Variants in RAI1 observed in about 807,000 individuals in gnomAD.
The protein encoded by RAI1 is retinoic acid-induced protein 1.
Under a neutral mutation model 123.8 loss-of-function variants are expected in RAI1, and 9 were observed. The ratio of observed to expected loss-of-function variants is 0.07; its 90% CI spans 0.04 to 0.13. The LOEUF (loss-of-function observed/expected upper bound fraction) is 0.13, where lower values mean the gene tolerates loss of function less well. RAI1 is among the 10% of genes least tolerant of loss of function. The pLI, the probability that RAI1 is intolerant of heterozygous loss-of-function variation, is 1.00. For synonymous variants in RAI1, 1,231 were observed against 1,127.3 expected (o/e 1.09, Z -1.84); for missense variants, 2,256 against 2,545.8 (o/e 0.89, Z 2.45).
At chr17:17,787,862 G>T (rs1438356093) in intron 2 of RAI1, among the ~76,000 whole-genome samples, 1 of 152,214 alleles carries the variant, frequency 6.6e-6, no homozygotes, top group Non-Finnish European at 1.5e-5. Context: ...AGCTGGCTTA[G>T]CAGGTCTCAG....
rs528733607 is a variant in RAI1, at chr17:17,729,099, C to T, written c.-17+4940C>T. 1.9e-4 allele frequency among the ~76,000 whole-genome samples: 29 copies of T among 152,298 alleles called. No individual in the cohort carries two copies. In the South Asian group the frequency reaches 4.4e-3, roughly 23 times the overall value. On this transcript the variant is annotated intron_variant, in intron 2 of 5. Transcript: ENST00000353383. ...TTGCCAACCTGGGCAAGGCCTGCCT[C>T]GCCCCACCTTGCTCCTCCCCAACAC...
chr17:17,683,141 T>C (rs1914501612), intron 1 of RAI1, among the ~76,000 whole-genome samples: 1 of 152,212 alleles, frequency 6.6e-6, no homozygotes, highest in African/African-American at 2.4e-5. Flanking sequence ...CTGGTTGCAA[T>C]CCAGTTTCAT....
chr17:17,786,065 T>A (rs1841437762), intron 2 of RAI1, among the ~76,000 whole-genome samples: 1 of 152,202 alleles, frequency 6.6e-6, no homozygotes, highest in Non-Finnish European at 1.5e-5. Flanking sequence ...CACCCTGGCC[T>A]CCCACTCCCA....
chr17:17,713,618 GCAA>G (rs1915629411), intron 1 of RAI1, among the ~76,000 whole-genome samples: 1 of 151,782 alleles, frequency 6.6e-6, no homozygotes, highest in Non-Finnish European at 1.5e-5. Flanking sequence ...TGCAGCCTGG[GCAA>G]CGAGAGCAAA....
At chr17:17,695,189 C>T (rs567684428) in intron 1 of RAI1, among the ~76,000 whole-genome samples, 1 of 152,234 alleles carries the variant, frequency 6.6e-6, no homozygotes, top group East Asian at 1.9e-4. Context: ...AGCTCTTCCC[C>T]GGAACTGTCC....
intron 2 of RAI1, among the ~76,000 whole-genome samples, chr17:17,724,750 C>T (rs1397393107): frequency 2.6e-5 from 4 of 152,196 alleles, no homozygotes; most frequent in East Asian, 3.9e-4. Context: ...GGCGCTTCCT[C>T]GGGCCGCTGC....
chr17:17,805,847 G>A (rs1277715300), intron 4 of RAI1, among the ~76,000 whole-genome samples: 1 of 152,220 alleles, frequency 6.6e-6, no homozygotes, highest in Non-Finnish European at 1.5e-5. Flanking sequence ...GCTGCCACGA[G>A]TCACATTCCT....
intron 2 of RAI1, among the ~76,000 whole-genome samples, chr17:17,755,045 C>A (rs73295671): frequency 0.012 from 1,897 of 152,318 alleles, 44 homozygotes; most frequent in African/African-American, 0.043. Flanking sequence ...TGTACCCCCA[C>A]AACATTCACA....
chr17:17,799,683 G>A lies in RAI1; in HGVS notation c.5565+1170G>A, dbSNP rs1385258399. 1.3e-5 allele frequency among the ~76,000 whole-genome samples: 2 copies of A among 152,170 alleles called. No homozygotes were observed. Among genetic ancestry groups the A allele is most frequent in the South Asian group, 2.1e-4 (1 of 4,830 alleles). On this transcript the variant is annotated intron_variant, in intron 3 of 5. Coordinates refer to ENST00000353383, the MANE Select transcript of RAI1 (RefSeq NM_030665.4). This position sits in a 1 kb window ranked among gnomAD's most constrained non-coding sequence, Gnocchi z 4.5. ...AGGGGAGCCAGAGGGGCTTGGCAGG[G>A]GTCTCCAGAGGCCCTGGACAAACAC...
intron 2 of RAI1, among the ~76,000 whole-genome samples, chr17:17,766,522 A>T (rs1001814477): frequency 6.6e-6 from 1 of 152,168 alleles, no homozygotes; most frequent in Non-Finnish European, 1.5e-5. Flanking sequence ...TCTGGGCAGG[A>T]GGTGGCTCTG....
intron 2 of RAI1, among the ~76,000 whole-genome samples, chr17:17,752,158 C>T (rs1411911761): frequency 6.6e-6 from 1 of 151,950 alleles, no homozygotes; most frequent in Non-Finnish European, 1.5e-5. Flanking sequence ...CCCGCAGGAG[C>T]CTCCCGCCCG....
At chr17:17,783,185 G>A (rs1455276190) in intron 2 of RAI1, among the ~76,000 whole-genome samples, 1 of 152,072 alleles carries the variant, frequency 6.6e-6, no homozygotes, top group Admixed American at 6.5e-5. Context: ...CGCCTGCAGC[G>A]ACCGGGGACC....
At chr17:17,688,876 G>T (rs1408097790) in intron 1 of RAI1, among the ~76,000 whole-genome samples, 2 of 152,048 alleles carry the variant, frequency 1.3e-5, no homozygotes, top group African/African-American at 4.8e-5. Context: ...GGGATTACAG[G>T]CGTGAGTCAC....
At chr17:17,771,393 C>T (rs2031152666) in intron 2 of RAI1, among the ~76,000 whole-genome samples, 1 of 152,150 alleles carries the variant, frequency 6.6e-6, no homozygotes, top group African/African-American at 2.4e-5. Context: ...TGAGAGGGAA[C>T]AAGTGGGTGA....
intron 2 of RAI1, among the ~76,000 whole-genome samples, chr17:17,761,171 G>A (rs2030681697): frequency 6.6e-6 from 1 of 152,160 alleles, no homozygotes; most frequent in South Asian, 2.1e-4. Flanking sequence ...GGTTGAAAGA[G>A]GCGACCCATA....
rs767103603 is a variant in RAI1, at chr17:17,810,865, G to A, written c.*884G>A. ...ACCGCCGCGCCTACTCTGCACGGGA[G>A]CAGGGACAGCGCTAGATTTCGTGTA... On this transcript the variant is annotated 3_prime_UTR_variant, in exon 6 of 6. Coordinates refer to ENST00000353383, the MANE Select transcript of RAI1 (RefSeq NM_030665.4). The surrounding 1 kb of genome is among the most constrained non-coding windows in gnomAD (Gnocchi z 4.6). The A allele has an allele frequency of 3.4e-5, 15 of 444,476 alleles. No homozygotes were observed. Among genetic ancestry groups the A allele is most frequent in the South Asian group, 4.7e-5 (3 of 64,024 alleles). The allele number at this position is 444,476 out of a possible 1,614,324, so 27.5% of individuals were successfully genotyped here.
intron 2 of RAI1, among the ~76,000 whole-genome samples, chr17:17,752,059 A>T (rs2030196567): frequency 6.6e-6 from 1 of 152,182 alleles, no homozygotes; most frequent in African/African-American, 2.4e-5. Flanking sequence ...GAGTGAATTC[A>T]GCCCTGGGCA....
intron 2 of RAI1, among the ~76,000 whole-genome samples, chr17:17,736,156 TGTGA>T (rs751506338): frequency 1.8e-4 from 28 of 152,140 alleles, no homozygotes; most frequent in Non-Finnish European, 3.5e-4. Flanking sequence ...GACTGTGAAC[TGTGA>T]GTATGTGCAC....
intron 2 of RAI1, among the ~76,000 whole-genome samples, chr17:17,792,714 A>G (rs1187108614): frequency 1.3e-5 from 2 of 149,814 alleles, no homozygotes; most frequent in Non-Finnish European, 3.0e-5. Context: ...TCCCTGACAC[A>G]GAAGTTGTCA....
Sources: allele counts gnomAD v4.1 joint callset (sites outside exome capture counted in the v4.1 genomes callset), GRCh38; gene constraint gnomAD v4.1.1; non-coding constraint Gnocchi (gnomAD v3.1); transcripts MANE v1.5; gene names NCBI Gene and HGNC (gene_info 2026-07-23, HGNC 2026-07-21).